TOX: variants seen among roughly 807,000 people sequenced by gnomAD.
TOX encodes the protein thymocyte selection-associated high mobility group box protein TOX.
A neutral mutation model predicts 53.7 loss-of-function variants in TOX; 11 were observed. That is an observed-to-expected ratio of 0.20 (90% confidence interval 0.13 to 0.34). The LOEUF (loss-of-function observed/expected upper bound fraction) is 0.34. Ranked by LOEUF, TOX falls within the 10% of genes least tolerant of loss-of-function variation. TOX has a pLI of 1.00. For missense variants in TOX, 570 were observed against 664.6 expected (o/e 0.86, Z 1.56); for synonymous variants, 225 against 245.3 (o/e 0.92, Z 0.77).
intron 5 of TOX, among the ~76,000 whole-genome samples, chr8:58,833,473 T>G (rs1292104378): frequency 1.3e-5 from 2 of 152,154 alleles, no homozygotes; most frequent in Non-Finnish European, 2.9e-5. Flanking sequence ...ATCAGAGAGT[T>G]CAGAAATAAT....
intron 1 of TOX, among the ~76,000 whole-genome samples, chr8:59,020,781 T>C (rs1160508813): frequency 6.6e-6 from 1 of 152,116 alleles, no homozygotes; most frequent in Non-Finnish European, 1.5e-5. Flanking sequence ...ATAGTAAACT[T>C]CCCATTGTAA....
At chr8:58,823,760 A>C (rs1810320151) in intron 6 of TOX, among the ~76,000 whole-genome samples, 1 of 152,194 alleles carries the variant, frequency 6.6e-6, no homozygotes, top group Admixed American at 6.5e-5. Flanking sequence ...GACATAGAAC[A>C]AGTGTCCTGC....
At chr8:58,989,892 C>T (rs943478071) in intron 1 of TOX, among the ~76,000 whole-genome samples, 20 of 152,184 alleles carry the variant, frequency 1.3e-4, no homozygotes, top group South Asian at 4.1e-4. Flanking sequence ...GCCCTATTCA[C>T]ACCTCATGAC....
chr8:59,078,040 T>G lies in TOX; in HGVS notation c.102+40846A>C, dbSNP rs79269687. On this transcript the variant is annotated intron_variant, in intron 1 of 8. Transcript: ENST00000361421. ...GAAAAAAGGAAATGGAGGAAAAATA[T>G]TATCCATACAAACAGCTACATTAAG... 8.6e-3 allele frequency among the ~76,000 whole-genome samples: 1,303 copies of G among 152,242 alleles called. 11 individuals carry two copies. Among genetic ancestry groups the G allele is most frequent in the African/African-American group, 0.029 (1,186 of 41,508 alleles).
intron 1 of TOX, among the ~76,000 whole-genome samples, chr8:59,032,257 T>A (rs1814372428): frequency 1.3e-5 from 2 of 152,072 alleles, no homozygotes; most frequent in South Asian, 4.2e-4. Context: ...AAGGAAAAAG[T>A]CTAGAGTTCT....
intron 5 of TOX, among the ~76,000 whole-genome samples, chr8:58,828,682 C>A (rs1810403189): frequency 6.6e-6 from 1 of 151,902 alleles, no homozygotes; most frequent in Admixed American, 6.6e-5. Context: ...TTGGTGCAGC[C>A]ATGAAACAGC....
intron 3 of TOX, among the ~76,000 whole-genome samples, chr8:58,882,586 A>C (rs1811401716): frequency 6.6e-6 from 1 of 152,226 alleles, no homozygotes; most frequent in Admixed American, 6.5e-5. Flanking sequence ...GATGGATTTC[A>C]TTAGAAATTG....
chr8:58,888,742 T>A (rs1811512607), intron 3 of TOX, among the ~76,000 whole-genome samples: 1 of 151,864 alleles, frequency 6.6e-6, no homozygotes, highest in African/African-American at 2.4e-5. Context: ...TAGGATCAAC[T>A]GTACATTTGA....
chr8:58,899,874 A>G (rs1811705575), intron 3 of TOX, among the ~76,000 whole-genome samples: 1 of 152,198 alleles, frequency 6.6e-6, no homozygotes, highest in African/African-American at 2.4e-5. Flanking sequence ...TGGAAAATTC[A>G]CACTCCAGGG....
rs756350564 is a variant in TOX, at chr8:58,815,729, T to C, written c.1006-5A>G. The C allele has an allele frequency of 1.5e-5, 24 of 1,599,332 alleles. No homozygotes were observed. In the East Asian group the frequency reaches 4.9e-4, roughly 33 times the overall value. ...GTCAACAGGTTCACTGTAGCTCTGT[T>C]GAGGAAATAAATGAGCAGAGTTGGG... is the stretch of plus-strand genomic sequence containing the variant. On this transcript the variant is annotated splice_region_variant and splice_polypyrimidine_tract_variant and intron_variant, in intron 6 of 8. Coordinates refer to ENST00000361421, the MANE Select transcript of TOX (RefSeq NM_014729.3).
intron 3 of TOX, among the ~76,000 whole-genome samples, chr8:58,899,889 C>T (rs764118422): frequency 2.6e-5 from 4 of 152,130 alleles, no homozygotes; most frequent in Admixed American, 6.6e-5. Flanking sequence ...CCAGGGAAAA[C>T]ACATGAGTGA....
Position 58,934,644 on chromosome 8 carries a change from T to C in TOX, c.411+4658A>G, listed in dbSNP as rs538583422. Reference sequence around the variant, plus strand: ...ACCCAGTAAAGGGTAAATACTCCTTTGGTTAATAGTAGGCTTATTGCAGTC... The same window carrying C: ...ACCCAGTAAAGGGTAAATACTCCTTCGGTTAATAGTAGGCTTATTGCAGTC... On this transcript the variant is annotated intron_variant, in intron 3 of 8. Coordinates refer to ENST00000361421, the MANE Select transcript of TOX (RefSeq NM_014729.3). Among the ~76,000 whole-genome samples, 4 of 152,326 alleles carry C rather than the reference T, an allele frequency of 2.6e-5. No individual in the cohort carries two copies. In the East Asian group the frequency reaches 5.8e-4, roughly 22 times the overall value.
At chr8:58,949,903 T>C (rs909392660) in intron 2 of TOX, among the ~76,000 whole-genome samples, 3 of 121,232 alleles carry the variant, frequency 2.5e-5, no homozygotes, top group African/African-American at 9.0e-5. Flanking sequence ...ATAGTTCATA[T>C]ACACGTGTAA....
intron 1 of TOX, among the ~76,000 whole-genome samples, chr8:58,962,180 A>G (rs1281106233): frequency 6.6e-6 from 1 of 152,210 alleles, no homozygotes; most frequent in Non-Finnish European, 1.5e-5. Flanking sequence ...TCCAACATGT[A>G]CGCTAATTGA....
chr8:59,114,198 T>G (rs766409292), intron 1 of TOX, among the ~76,000 whole-genome samples: 5 of 152,212 alleles, frequency 3.3e-5, no homozygotes, highest in Non-Finnish European at 7.3e-5. Flanking sequence ...ATTAGTTTAG[T>G]TTTTGTAACT....
intron 2 of TOX, among the ~76,000 whole-genome samples, chr8:58,941,329 A>T (rs975428717): frequency 6.6e-6 from 1 of 152,278 alleles, no homozygotes; most frequent in African/African-American, 2.4e-5. Flanking sequence ...GCCTCCATTT[A>T]ACCATTATAG....
chr8:58,807,533 GAAGAA>G lies in TOX; in HGVS notation c.*209_*213del. 1 of 505,944 alleles carries G rather than the reference GAAGAA, an allele frequency of 2.0e-6. No homozygotes were observed. The highest frequency in any genetic ancestry group is 3.1e-5 in the East Asian group (1 of 32,534). The allele number at this position is 505,944 out of a possible 1,614,324, so 31.3% of individuals were successfully genotyped here. A position where few individuals can be genotyped will look rare whatever the true frequency, so the allele number is the denominator to read the frequency against. ...CTGAATGGTCCAAATTTCCTTCAGGGAAGAAGAAAAACAATGTCCATAAAGGATTA... is the reference window on the plus strand; with the variant it reads ...CTGAATGGTCCAAATTTCCTTCAGGGGAAAAACAATGTCCATAAAGGATTA... On this transcript the variant is annotated 3_prime_UTR_variant, in exon 9 of 9. Transcript: ENST00000361421.
chr8:59,089,171 A>T (rs1476850169), intron 1 of TOX, among the ~76,000 whole-genome samples: 1 of 152,220 alleles, frequency 6.6e-6, no homozygotes, highest in Non-Finnish European at 1.5e-5. Flanking sequence ...TTTCGGGCAT[A>T]GCACACATGC....
At chr8:59,034,176 A>G (rs531146729) in intron 1 of TOX, among the ~76,000 whole-genome samples, 20 of 152,342 alleles carry the variant, frequency 1.3e-4, no homozygotes, top group African/African-American at 4.8e-4. Flanking sequence ...GTGCAGTTTG[A>G]GAGATTGTAT....
Sources: gnomAD v4.1 joint callset for allele counts (sites outside exome capture counted in the v4.1 genomes callset) on GRCh38, gnomAD v4.1.1 for gene constraint, MANE v1.5 for transcripts, NCBI Gene and HGNC (gene_info 2026-07-23, HGNC 2026-07-21) for gene names.